Variants in LINGO1 observed in about 807,000 individuals in gnomAD.
The protein encoded by LINGO1 is leucine-rich repeat and immunoglobulin-like domain-containing nogo receptor-interacting protein 1.
In LINGO1, 11 loss-of-function variants were observed where a neutral mutation model predicts 37.3. The ratio of observed to expected loss-of-function variants is 0.29; its 90% confidence interval spans 0.19 to 0.49. The LOEUF (loss-of-function observed/expected upper bound fraction) is 0.49. Ranked by LOEUF, LINGO1 falls within the 20% of genes least tolerant of loss-of-function variation. The probability of loss-of-function intolerance (pLI) is 0.99; values close to 1 mark genes in which losing one functional copy is unlikely to be tolerated. For synonymous variants in LINGO1, 387 were observed against 403.0 expected (o/e 0.96, Z 0.48); for missense variants, 585 against 878.2 (o/e 0.67, Z 4.22).
At chr15:77,800,342 G>A (rs2141461362) in intron 1 of LINGO1, among the ~76,000 whole-genome samples, 2 of 152,352 alleles carry the variant, frequency 1.3e-5, no homozygotes, top group Middle Eastern at 3.4e-3. Flanking sequence ...AGCTGGGGAT[G>A]GGAAAACAGC....
At chr15:77,800,639 T>G (rs2076910670) in intron 1 of LINGO1, among the ~76,000 whole-genome samples, 1 of 152,222 alleles carries the variant, frequency 6.6e-6, no homozygotes, top group Admixed American at 6.5e-5. Context: ...TGAAATCTGA[T>G]GCAGTGGAGG....
At chr15:77,798,785 C>G (rs1389050794) in intron 1 of LINGO1, among the ~76,000 whole-genome samples, 1 of 152,078 alleles carries the variant, frequency 6.6e-6, no homozygotes, top group Non-Finnish European at 1.5e-5. Context: ...GAGCTCTCAG[C>G]CTGTGTAGTC....
intron 1 of LINGO1, among the ~76,000 whole-genome samples, chr15:77,746,782 ATCTTACAGATGCTTAATGAATGTGC>A (rs1459637763): frequency 6.6e-6 from 1 of 152,178 alleles, no homozygotes; most frequent in African/African-American, 2.4e-5. Flanking sequence ...GGGTGTATCC[ATCTTACAGATGCTTAATGAATGTGC>A]TGGCCAGAGC....
chr15:77,812,167 C>A (rs1386901505), intron 1 of LINGO1, among the ~76,000 whole-genome samples: 8 of 152,206 alleles, frequency 5.3e-5, no homozygotes, highest in Non-Finnish European at 1.2e-4. Flanking sequence ...CCAGATGCTG[C>A]CCTTTATTGA....
chr15:77,729,850 C>T (rs1453577267), intron 2 of LINGO1, among the ~76,000 whole-genome samples: 2 of 152,232 alleles, frequency 1.3e-5, no homozygotes, highest in Non-Finnish European at 2.9e-5. Flanking sequence ...TGTTCTAATG[C>T]TCCCCAAGCT....
At chr15:77,659,830 G>A (rs2074948692) in intron 3 of LINGO1, among the ~76,000 whole-genome samples, 1 of 151,302 alleles carries the variant, frequency 6.6e-6, no homozygotes, top group Non-Finnish European at 1.5e-5. Flanking sequence ...CTTGAAAGCT[G>A]GTGGGGCGGG....
intron 3 of LINGO1, among the ~76,000 whole-genome samples, chr15:77,664,172 C>CGCGT: frequency 1.3e-5 from 1 of 77,590 alleles, no homozygotes; most frequent in Middle Eastern, 5.2e-3. Flanking sequence ...TGTGTGTGTG[C>CGCGT]GCGCGCGCAT....
At chr15:77,694,927 G>A (rs1269905279) in intron 1 of LINGO1, among the ~76,000 whole-genome samples, 1 of 152,144 alleles carries the variant, frequency 6.6e-6, no homozygotes, top group Non-Finnish European at 1.5e-5. Context: ...TCCCCGGGGG[G>A]CCTGGGATTG....
intron 1 of LINGO1, among the ~76,000 whole-genome samples, chr15:77,750,780 TAATCC>T (rs2076363235): frequency 6.6e-6 from 1 of 152,250 alleles, no homozygotes; most frequent in African/African-American, 2.4e-5. Flanking sequence ...TGGTCTCATT[TAATCC>T]ACACAATGAC....
Position 77,794,842 on chromosome 15 carries a change from G to A in LINGO1, c.-343+1097C>T, listed in dbSNP as rs564906002. ...CCTGACCTTGTGATCTGCCCACCTC[G>A]GCTTCCCAAAGCAGAAATATTTTGA... is the stretch of plus-strand genomic sequence containing the variant. On this transcript the variant is annotated intron_variant, in intron 2 of 5. Transcript: ENST00000562933. Among the ~76,000 whole-genome samples, 20 of 151,924 alleles carry A rather than the reference G, an allele frequency of 1.3e-4. No individual in the cohort carries two copies. In the South Asian group the frequency reaches 3.1e-3, roughly 24 times the overall value.
Position 77,725,242 on chromosome 15 carries a change from T to A in LINGO1, c.-195+9750A>T, listed in dbSNP as rs370963752. On this transcript the variant is annotated intron_variant, in intron 2 of 3. Coordinates refer to the LINGO1 transcript ENST00000561686. The stretch of plus-strand genomic sequence containing the variant: ...GTTTCAGTTTTCCCATCGGTACTTA[T>A]TCTCCACAGAGGAATTTAAATCCAT... 1.6e-4 allele frequency among the ~76,000 whole-genome samples: 25 copies of A among 152,310 alleles called. No individual in the cohort carries two copies. The East Asian group carries it at 2.1e-3, about 13-fold the overall frequency.
chr15:77,690,057 T>A (rs1197156686), intron 2 of LINGO1, among the ~76,000 whole-genome samples: 1 of 152,176 alleles, frequency 6.6e-6, no homozygotes, highest in Admixed American at 6.5e-5. Context: ...TCCACATCCA[T>A]CTATGACATC....
chr15:77,678,111 AC>A (rs1169062400), intron 2 of LINGO1, among the ~76,000 whole-genome samples: 1 of 152,204 alleles, frequency 6.6e-6, no homozygotes, highest in Non-Finnish European at 1.5e-5. Context: ...CACTGCCCTG[AC>A]AGACTGACTT....
At chr15:77,659,367 C>T (rs2074937397) in intron 3 of LINGO1, among the ~76,000 whole-genome samples, 1 of 151,028 alleles carries the variant, frequency 6.6e-6, no homozygotes, top group Admixed American at 6.6e-5. Context: ...CTGAGAGAGA[C>T]AGGTGCAATC....
intron 2 of LINGO1, among the ~76,000 whole-genome samples, chr15:77,685,546 C>T (rs2075493532): frequency 6.6e-6 from 1 of 152,096 alleles, no homozygotes; most frequent in African/African-American, 2.4e-5. Flanking sequence ...TATTCAAACA[C>T]GTAGAATCCT....
chr15:77,750,161 G>A (rs949031709), intron 1 of LINGO1, among the ~76,000 whole-genome samples: 4 of 151,890 alleles, frequency 2.6e-5, no homozygotes, highest in African/African-American at 9.7e-5. Flanking sequence ...CTTGCCAATG[G>A]CCCCTTCCTC....
upstream of LINGO1, chr15:77,788,244 G>T (rs1467124207): frequency 3.9e-5 from 6 of 152,224 alleles, no homozygotes; most frequent in African/African-American, 1.2e-4. Context: ...TTCAGTGATT[G>T]CCCCCTATAA....
Position 77,632,472 on chromosome 15 carries a change from C to A in LINGO1, c.-157G>T. 1 of 720,816 alleles carries A rather than the reference C, an allele frequency of 1.4e-6. No homozygotes were observed. The highest frequency in any genetic ancestry group is 6.5e-5 in the South Asian group (1 of 15,364). The allele number at this position is 720,816 out of a possible 1,614,324, so 44.7% of individuals were successfully genotyped here. A position where few individuals can be genotyped will look rare whatever the true frequency, so the allele number is the denominator to read the frequency against. On this transcript the variant is annotated 5_prime_UTR_variant, in exon 1 of 2. Transcript: ENST00000355300. This position sits in a 1 kb window ranked among gnomAD's most constrained non-coding sequence, Gnocchi z 6.0. Reference sequence around the variant, plus strand: ...CGCGCGCCCTCGCGGGGCTGGCTGTCCGTCTGTCCGCCCCGCGCGGGCGGG... The same window carrying A: ...CGCGCGCCCTCGCGGGGCTGGCTGTACGTCTGTCCGCCCCGCGCGGGCGGG...
intron 1 of LINGO1, among the ~76,000 whole-genome samples, chr15:77,741,215 C>T (rs1254130045): frequency 6.6e-6 from 1 of 152,204 alleles, no homozygotes; most frequent in African/African-American, 2.4e-5. Flanking sequence ...CAGAGGTGCC[C>T]CCTCTAGATT....
Sources: gnomAD v4.1 joint callset for allele counts (sites outside exome capture counted in the v4.1 genomes callset) on GRCh38, gnomAD v4.1.1 for gene constraint, Gnocchi (gnomAD v3.1) non-coding constraint, MANE v1.5 for transcripts, NCBI Gene and HGNC (gene_info 2026-07-23, HGNC 2026-07-21) for gene names.